Variants in TNIP1 observed in about 807,000 individuals in gnomAD.
The protein encoded by TNIP1 is TNFAIP3 interacting protein 1.
A neutral mutation model predicts 86.6 loss-of-function variants in TNIP1; 22 were observed. The observed-to-expected ratio is 0.25, with a 90% CI of 0.18 to 0.36. TNIP1 has a LOEUF of 0.36. TNIP1 is among the 10% of genes least tolerant of loss of function. The pLI is 1.00. For missense variants in TNIP1, 709 were observed against 820.6 expected, an observed-to-expected ratio of 0.86 and a Z score of 1.66; for synonymous variants, 294 against 313.0, an observed-to-expected ratio of 0.94 and a Z score of 0.64.
At chr5:151,052,054 G>A in intron 7 of TNIP1, 111 bp downstream of exon 7, 1 of 885,466 alleles carries the variant, frequency 1.1e-6, no homozygotes, top group South Asian at 1.6e-5. Flanking sequence ...ATAGGGCTCT[G>A]GGCACAGGGC....
chr5:151,064,573 C>T (rs950392740), intron 2 of TNIP1, among the ~76,000 whole-genome samples: 1 of 133,794 alleles, frequency 7.5e-6, no homozygotes, highest in African/African-American at 2.9e-5. Context: ...CTGCTCCCTG[C>T]TCCAACACCT....
rs1308231913 is a variant in TNIP1, at chr5:151,049,807, A to C, written c.846+17T>G. 1 of 1,614,066 alleles carries C rather than the reference A, an allele frequency of 6.2e-7. No individual in the cohort carries two copies. Among genetic ancestry groups the C allele is most frequent in the South Asian group, 1.1e-5 (1 of 91,080 alleles). Reference sequence around the variant, plus strand: ...CTGCAACCAAGGATGCTACAGAAGGAATTTCTGACCACATACCTGCTGCTG... The same window carrying C: ...CTGCAACCAAGGATGCTACAGAAGGCATTTCTGACCACATACCTGCTGCTG... On this transcript the variant is annotated intron_variant, in intron 8 of 17. Transcript: ENST00000521591.
intron 1 of TNIP1, among the ~76,000 whole-genome samples, chr5:151,067,984 G>GC (rs1375541134): frequency 6.6e-6 from 1 of 152,136 alleles, no homozygotes; most frequent in Non-Finnish European, 1.5e-5. Context: ...TCCAAAACAC[G>GC]CAACACTCAG....
At chr5:151,036,550 T>C (rs1432273921) in intron 13 of TNIP1, among the ~76,000 whole-genome samples, 1 of 152,160 alleles carries the variant, frequency 6.6e-6, no homozygotes, top group Non-Finnish European at 1.5e-5. Context: ...AAATACTAGG[T>C]AAATAATAGC....
In TNIP1 at chr5:151,064,922, G is replaced by A. The variant is rs755651270; in HGVS notation, c.136+38C>T. The A allele has an allele frequency of 2.5e-6, 4 of 1,612,986 alleles. No homozygotes were observed. The Admixed American group carries it at 6.7e-5, about 27-fold the overall frequency. ...AGGGACTGGCATCACAGTCTGCAGGGAGGGGCGCTCGCAGGGAGGGGACAG... is the reference window on the plus strand; with the variant it reads ...AGGGACTGGCATCACAGTCTGCAGGAAGGGGCGCTCGCAGGGAGGGGACAG... On this transcript the variant is annotated intron_variant, in intron 2 of 17. Coordinates refer to ENST00000521591, the MANE Select transcript of TNIP1 (RefSeq NM_006058.5).
intron 4 of TNIP1, 101 bp downstream of exon 4, chr5:151,062,026 G>T: frequency 9.0e-7 from 1 of 1,108,526 alleles, no homozygotes; most frequent in Non-Finnish European, 1.3e-6. Flanking sequence ...ACGGAACACA[G>T]TTTCTTGACC....
Position 151,042,607 on chromosome 5 carries a change from C to T in TNIP1, c.1067G>A (p.Arg356Gln), listed in dbSNP as rs138164905. ...GTCAAAGTCACGCTGCTTCTGCTCCCGCTCGGCCTCCAGGTCAGTCACCTG... is the reference window on the plus strand; with the variant it reads ...GTCAAAGTCACGCTGCTTCTGCTCCTGCTCGGCCTCCAGGTCAGTCACCTG... Reference protein sequence around the residue: ...QKQVTDLEAEREQKQRDFDRK... With the variant: ...QKQVTDLEAEQEQKQRDFDRK... Residue 356 changes from arginine to glutamine, a missense_variant, in exon 11 of 18, where the codon CGG becomes CAG. Physicochemically the swap from Arg to Gln is conservative, Grantham distance 43 (BLOSUM62 1). Transcript: ENST00000521591. The T allele has an allele frequency of 2.6e-4, 416 of 1,613,926 alleles. 1 individual carries two copies. The highest frequency in any genetic ancestry group is 3.2e-4 in the Non-Finnish European group (382 of 1,180,020).
At chr5:151,078,216 T>C (rs1276981645) in intron 1 of TNIP1, among the ~76,000 whole-genome samples, 1 of 152,210 alleles carries the variant, frequency 6.6e-6, no homozygotes. Context: ...TGCATGGCAC[T>C]GGGCACAGGA....
chr5:151,072,970 C>A (rs567991020), intron 1 of TNIP1, among the ~76,000 whole-genome samples: 1 of 152,248 alleles, frequency 6.6e-6, no homozygotes, highest in South Asian at 2.1e-4. Context: ...GCCTGTAATT[C>A]CAGCACTTTG....
rs575589988 is a variant in TNIP1, at chr5:151,042,874, G to A, written c.1002+22C>T. On this transcript the variant is annotated intron_variant, in intron 10 of 17. Transcript: ENST00000521591. Reference sequence around the variant, plus strand: ...TGAAGACCAGGCATGCCCTGTGGGCGTGGCCAGGAACCCCACATTACCTTC... The same window carrying A: ...TGAAGACCAGGCATGCCCTGTGGGCATGGCCAGGAACCCCACATTACCTTC... 8.7e-6 allele frequency: 14 copies of A among 1,613,040 alleles called. No homozygotes were observed. The African/African-American group carries it at 1.5e-4, about 17-fold the overall frequency.
At chr5:151,079,564 G>A (rs1377433634) in intron 1 of TNIP1, among the ~76,000 whole-genome samples, 5 of 151,890 alleles carry the variant, frequency 3.3e-5, no homozygotes, top group South Asian at 2.1e-4. Context: ...GCAAGTTGCC[G>A]TGAGCCGAGA....
chr5:151,053,792 T>C (rs1430857258), intron 6 of TNIP1, among the ~76,000 whole-genome samples: 1 of 152,214 alleles, frequency 6.6e-6, no homozygotes, highest in African/African-American at 2.4e-5. Context: ...GGAAACCAGG[T>C]AAAATGATAC....
intron 5 of TNIP1, among the ~76,000 whole-genome samples, chr5:151,059,791 GA>G (rs1275261065): frequency 2.5e-5 from 2 of 81,216 alleles, no homozygotes; most frequent in African/African-American, 1.3e-4. Flanking sequence ...GAGAGAGAGA[GA>G]GAGAGAGAGA....
chr5:151,066,665 A>G (rs1290838818), intron 1 of TNIP1, among the ~76,000 whole-genome samples: 1 of 152,236 alleles, frequency 6.6e-6, no homozygotes, highest in Non-Finnish European at 1.5e-5. Flanking sequence ...GAGGAGCTGC[A>G]CAGTAACTCT....
At chr5:151,071,071 C>T (rs1346661413) in intron 1 of TNIP1, among the ~76,000 whole-genome samples, 3 of 152,108 alleles carry the variant, frequency 2.0e-5, no homozygotes, top group African/African-American at 7.2e-5. Context: ...GTACCTTCTT[C>T]TCAATTTTGC....
intron 7 of TNIP1, among the ~76,000 whole-genome samples, chr5:151,051,382 A>G (rs1400732496): frequency 6.6e-6 from 1 of 152,104 alleles, no homozygotes; most frequent in Non-Finnish European, 1.5e-5. Flanking sequence ...TACCCACCAG[A>G]TGACTCATCA....
intron 1 of TNIP1, among the ~76,000 whole-genome samples, chr5:151,066,303 G>A (rs905325955): frequency 6.6e-6 from 1 of 152,196 alleles, no homozygotes; most frequent in Admixed American, 6.5e-5. Flanking sequence ...AAGGGCAGAG[G>A]CCCTAAGGCT....
rs1409361699 is a variant in TNIP1, at chr5:151,049,858, C to T, written c.812G>A (p.Gly271Glu). The T allele has an allele frequency of 3.7e-6, 6 of 1,614,054 alleles. No homozygotes were observed. The highest frequency in any genetic ancestry group is 5.1e-6 in the Non-Finnish European group (6 of 1,180,028). Residue 271 changes from glycine (G) to glutamate (E), a missense_variant, in exon 8 of 18, where the codon GGG (glycine) becomes GAG (glutamate). Gly to Glu is a moderately conservative substitution (Grantham distance 98, BLOSUM62 -2). Coordinates refer to ENST00000521591, the MANE Select transcript of TNIP1 (RefSeq NM_006058.5). ...TCCAGCCACTGCCTTCTTGCCTGTC[C>T]CTTCCATCTTCGGTGAGCCTGGCCG... ...SGRPGSPKME[G>E]TGKKAVAGQQ... is the part of the protein sequence containing the mutation.
intron 6 of TNIP1, among the ~76,000 whole-genome samples, chr5:151,056,454 T>A (rs2113612811): frequency 6.6e-6 from 1 of 151,636 alleles, no homozygotes; most frequent in Admixed American, 6.6e-5. Flanking sequence ...ATGAAAGGAG[T>A]TGACCTTTGT....
Sources: gnomAD v4.1 joint callset for allele counts (sites outside exome capture counted in the v4.1 genomes callset) on GRCh38, gnomAD v4.1.1 for gene constraint, MANE v1.5 for transcripts, NCBI Gene and HGNC (gene_info 2026-07-23, HGNC 2026-07-21) for gene names.